TSHZ2: variants seen among roughly 807,000 people sequenced by gnomAD.
TSHZ2 encodes the protein teashirt zinc finger homeobox 2, also known as teashirt homolog 2.
A neutral mutation model predicts 74.4 loss-of-function variants in TSHZ2; 21 were observed. The observed-to-expected ratio is 0.28, with a 90% CI of 0.20 to 0.41. The LOEUF is 0.41. Ranked by LOEUF, TSHZ2 falls within the 10% of genes least tolerant of loss-of-function variation. The pLI is 1.00. For synonymous variants in TSHZ2, 540 were observed against 515.3 expected (o/e 1.05, Z -0.65); for missense variants, 1,244 against 1,293.5 (o/e 0.96, Z 0.59).
intron 2 of TSHZ2, among the ~76,000 whole-genome samples, chr20:53,317,525 C>A (rs1167862437): frequency 6.6e-6 from 1 of 152,072 alleles, no homozygotes; most frequent in Admixed American, 6.6e-5. Context: ...ACCCCAGAAG[C>A]AAGTTTGAAC....
intron 1 of TSHZ2, among the ~76,000 whole-genome samples, chr20:53,080,070 C>T (rs1006522246): frequency 6.6e-6 from 1 of 152,080 alleles, no homozygotes; most frequent in African/African-American, 2.4e-5. Flanking sequence ...ACATCAAGAC[C>T]CGAAAAGCAA....
chr20:53,469,761 AGAGGGAGGAAGGGAGGGAGG>A (rs1985726626), intron 2 of TSHZ2, among the ~76,000 whole-genome samples: 2 of 61,024 alleles, frequency 3.3e-5, no homozygotes, highest in Non-Finnish European at 6.4e-5. Flanking sequence ...AGAAAGATAG[AGAGGGAGGAAGGGAGGGAGG>A]GAGGGAGGAA....
intron 2 of TSHZ2, among the ~76,000 whole-genome samples, chr20:53,310,582 G>A (rs925289475): frequency 5.3e-5 from 8 of 152,172 alleles, no homozygotes; most frequent in Non-Finnish European, 7.3e-5. Context: ...ACTGGGGAAA[G>A]ACCCACTTCC....
chr20:53,267,245 A>G (rs1990739666), intron 2 of TSHZ2, among the ~76,000 whole-genome samples: 1 of 152,142 alleles, frequency 6.6e-6, no homozygotes, highest in Non-Finnish European at 1.5e-5. Context: ...AGTGAGCTGA[A>G]ACAAGAAGTG....
At chr20:53,286,092 G>GA (rs2145446400) in intron 2 of TSHZ2, among the ~76,000 whole-genome samples, 1 of 152,316 alleles carries the variant, frequency 6.6e-6, no homozygotes, top group East Asian at 1.9e-4. Flanking sequence ...GAGCTCAGTG[G>GA]AAAATGTTTT....
intron 1 of TSHZ2, among the ~76,000 whole-genome samples, chr20:53,096,922 CAAA>C (rs55974161): frequency 6.6e-6 from 1 of 150,598 alleles, no homozygotes; most frequent in East Asian, 1.9e-4. Context: ...AAACAAAAAA[CAAA>C]ACAAAAACAA....
At chr20:53,436,533 A>ATTTTTT (rs1444141242) in intron 2 of TSHZ2, among the ~76,000 whole-genome samples, 3 of 115,978 alleles carry the variant, frequency 2.6e-5, no homozygotes, top group African/African-American at 1.1e-4. Flanking sequence ...ATTTATTATT[A>ATTTTTT]TTATTATTAT....
chr20:53,387,692 C>T (rs770047176), intron 2 of TSHZ2, among the ~76,000 whole-genome samples: 12 of 152,094 alleles, frequency 7.9e-5, no homozygotes, highest in Non-Finnish European at 1.6e-4. Context: ...TGTTGCCTCT[C>T]GCCTGCAGTT....
At chr20:53,413,089 G>A (rs1322162237) in intron 2 of TSHZ2, among the ~76,000 whole-genome samples, 2 of 152,222 alleles carry the variant, frequency 1.3e-5, no homozygotes, top group East Asian at 3.8e-4. Context: ...GGGACAGGGA[G>A]GGGAAGAGCA....
intron 1 of TSHZ2, among the ~76,000 whole-genome samples, chr20:53,158,832 C>A (rs574459042): frequency 6.6e-6 from 1 of 152,244 alleles, no homozygotes; most frequent in Non-Finnish European, 1.5e-5. Flanking sequence ...AGTAGTTTCT[C>A]CCATGGCCTC....
chr20:52,989,795 A>G (rs1002073470), intron 1 of TSHZ2, among the ~76,000 whole-genome samples: 1 of 151,980 alleles, frequency 6.6e-6, no homozygotes, highest in Non-Finnish European at 1.5e-5. Flanking sequence ...AAGCATTATT[A>G]TTCTTTCGTA....
chr20:53,054,643 GT>G (rs1457029869), intron 1 of TSHZ2, among the ~76,000 whole-genome samples: 31 of 152,284 alleles, frequency 2.0e-4, no homozygotes, highest in African/African-American at 7.2e-4. Flanking sequence ...CCTAGGAGGG[GT>G]TCTAGTGTGC....
In TSHZ2 at chr20:53,138,792, G is replaced by A. The variant is rs1055734411; in HGVS notation, c.41-114707G>A. On this transcript the variant is annotated intron_variant, in intron 1 of 2. Coordinates refer to ENST00000371497, the MANE Select transcript of TSHZ2 (RefSeq NM_173485.6). ...CCTGATGTTCTGGCTGTTTCAGTAG[G>A]TGTTTCCTTCAATCCCCAGCACTAA... Among the ~76,000 whole-genome samples, 17 of 152,334 alleles carry A rather than the reference G, an allele frequency of 1.1e-4. No homozygotes were observed. The South Asian group carries it at 3.3e-3, about 30-fold the overall frequency.
chr20:53,135,694 G>A (rs1987229931), intron 1 of TSHZ2, among the ~76,000 whole-genome samples: 1 of 152,172 alleles, frequency 6.6e-6, no homozygotes, highest in East Asian at 1.9e-4. Flanking sequence ...TTGACCTCCT[G>A]GGCTCAAGGA....
At chr20:53,310,903 C>G (rs1477795626) in intron 2 of TSHZ2, among the ~76,000 whole-genome samples, 1 of 152,164 alleles carries the variant, frequency 6.6e-6, no homozygotes, top group African/African-American at 2.4e-5. Flanking sequence ...GGAGAAGGGA[C>G]TACACAAGAA....
At chr20:53,478,222 T>C (rs1382618581) in intron 2 of TSHZ2, among the ~76,000 whole-genome samples, 10 of 151,026 alleles carry the variant, frequency 6.6e-5, no homozygotes, top group Non-Finnish European at 1.5e-4. Context: ...CATATGTTTA[T>C]TGTGGCATTA....
intron 1 of TSHZ2, among the ~76,000 whole-genome samples, chr20:53,207,757 G>T (rs1989204048): frequency 6.6e-6 from 1 of 151,830 alleles, no homozygotes; most frequent in African/African-American, 2.4e-5. Context: ...GCTTACTGCA[G>T]CCCTGGGCTC....
chr20:53,028,395 T>C (rs939836681), intron 1 of TSHZ2, among the ~76,000 whole-genome samples: 4 of 152,258 alleles, frequency 2.6e-5, no homozygotes, highest in African/African-American at 7.2e-5. Flanking sequence ...AACAGCAATG[T>C]GGGCCACAGA....
chr20:53,345,046 A>G (rs1455056649), intron 2 of TSHZ2, among the ~76,000 whole-genome samples: 1 of 152,252 alleles, frequency 6.6e-6, no homozygotes, highest in African/African-American at 2.4e-5. Context: ...GGTGAATCCT[A>G]GCAAGTTCAG....
Sources: allele counts gnomAD v4.1 joint callset (sites outside exome capture counted in the v4.1 genomes callset), GRCh38; gene constraint gnomAD v4.1.1; transcripts MANE v1.5; gene names NCBI Gene and HGNC (gene_info 2026-07-23, HGNC 2026-07-21).